TLCD4: variants seen among roughly 807,000 people sequenced by gnomAD.
The protein encoded by TLCD4 is TLC domain containing 4, also known as TLC domain-containing protein 4.
Under a neutral mutation model 24.2 loss-of-function variants are expected in TLCD4, and 7 were observed. The ratio of observed to expected loss-of-function variants is 0.29; its 90% confidence interval spans 0.16 to 0.54. The LOEUF (loss-of-function observed/expected upper bound fraction) is 0.54. Among genes scored for constraint, TLCD4 ranks in the 20% least tolerant of loss-of-function variants. TLCD4 has a pLI of 0.95. For synonymous variants in TLCD4, 103 were observed against 106.4 expected (o/e 0.97, Z 0.20); for missense variants, 259 against 313.9 (o/e 0.82, Z 1.32).
At chr1:95,155,162 A>C (rs1277780608) in intron 5 of TLCD4, among the ~76,000 whole-genome samples, 1 of 151,972 alleles carries the variant, frequency 6.6e-6, no homozygotes, top group African/African-American at 2.4e-5. Flanking sequence ...CCCACCTTAT[A>C]AACCTCTGGT....
Position 95,128,395 on chromosome 1 carries a change from T to A in TLCD4, c.-12+10778T>A, listed in dbSNP as rs181400946. On this transcript the variant is annotated intron_variant, in intron 1 of 6. Coordinates refer to ENST00000370203, the MANE Select transcript of TLCD4 (RefSeq NM_152487.3). Reference sequence around the variant, plus strand: ...AAAAAGTTGATGCAAAATAGATGAATTATGTCAGATTTAATTTATTTTTAA... The same window carrying A: ...AAAAAGTTGATGCAAAATAGATGAAATATGTCAGATTTAATTTATTTTTAA... 1.3e-3 allele frequency among the ~76,000 whole-genome samples: 200 copies of A among 152,306 alleles called. 1 individual carries two copies. The highest frequency in any genetic ancestry group is 2.3e-3 in the Admixed American group (35 of 15,300).
At position 95,192,015 on chromosome 1, in the gene TLCD4, G is replaced by T; in HGVS notation, c.*147G>T. On this transcript the variant is annotated 3_prime_UTR_variant, in exon 7 of 7. Coordinates refer to ENST00000370203, the MANE Select transcript of TLCD4 (RefSeq NM_152487.3). ...TTTTTTTAAACCTTAGAAAAGAGAA[G>T]GCCGGGCACGGTGGCTCATGCCTGT... The T allele has an allele frequency of 7.0e-7, 1 of 1,436,186 alleles. No homozygotes were observed. The highest frequency in any genetic ancestry group is 9.1e-7 in the Non-Finnish European group (1 of 1,103,368). 89.0% of individuals were successfully genotyped at this position (1,436,186 alleles called of 1,614,324 possible). A position where few individuals can be genotyped will look rare whatever the true frequency, so the allele number is the denominator to read the frequency against.
the TLCD4 span, among the ~76,000 whole-genome samples, chr1:95,100,124 A>G: frequency 9.3e-4 from 142 of 152,284 alleles, 1 homozygote; most frequent in Admixed American, 3.3e-3. Context: ...ATGTATATGC[A>G]TATATATACA....
chr1:95,111,121 C>T, the TLCD4 span, among the ~76,000 whole-genome samples: 2 of 126,690 alleles, frequency 1.6e-5, no homozygotes, highest in African/African-American at 5.4e-5. Flanking sequence ...GCAAGACTAT[C>T]TCCACATAAA....
intron 1 of TLCD4, among the ~76,000 whole-genome samples, chr1:95,128,431 A>G (rs112213366): frequency 3.3e-5 from 5 of 152,396 alleles, no homozygotes; most frequent in Non-Finnish European, 5.9e-5. Flanking sequence ...ATTAAAAGCT[A>G]GAACATGTAA....
chr1:95,146,377 T>C (rs1677349309), intron 2 of TLCD4, among the ~76,000 whole-genome samples: 1 of 152,206 alleles, frequency 6.6e-6, no homozygotes, highest in Non-Finnish European at 1.5e-5. Context: ...GAAATACTAC[T>C]AATTTTTAAA....
In TLCD4 at chr1:95,151,318, C is replaced by G. The variant is rs1677484626; in HGVS notation, c.305-7C>G. On this transcript the variant is annotated splice_region_variant and splice_polypyrimidine_tract_variant and intron_variant, in intron 4 of 6. Transcript: ENST00000370203. ...TGTAATACCTTACTCACTTTTCTTT[C>G]TTACAGATTTGTCCATTATAATTTT... is the stretch of plus-strand genomic sequence containing the variant. 6.2e-7 allele frequency: 1 copy of G among 1,612,406 alleles called. No individual in the cohort carries two copies. Among genetic ancestry groups the G allele is most frequent in the Non-Finnish European group, 8.5e-7 (1 of 1,179,010 alleles).
rs150409171 is a variant in TLCD4 at position 95,183,668 on chromosome 1, C to T, written c.474-7882C>T. 1.4e-3 allele frequency among the ~76,000 whole-genome samples: 210 copies of T among 152,000 alleles called. 5 individuals are homozygous for T. In the East Asian group the frequency reaches 0.02, roughly 14 times the overall value. ...CATTCTGGCCAACATGGTGAAACCC[C>T]GTCTCTACTAAAAGTACAAAAAAGA... On this transcript the variant is annotated intron_variant, in intron 6 of 6. Coordinates refer to ENST00000370203, the MANE Select transcript of TLCD4 (RefSeq NM_152487.3).
intron 1 of TLCD4, among the ~76,000 whole-genome samples, chr1:95,137,995 C>T (rs184790517): frequency 1.3e-5 from 2 of 152,190 alleles, no homozygotes; most frequent in Admixed American, 1.3e-4. Flanking sequence ...ACCTGGGCCT[C>T]CTAAAGTGCT....
At position 95,144,150 on chromosome 1, in the gene TLCD4, A is replaced by G. The variant is rs540966467; in HGVS notation, c.155+94A>G. 245 of 1,220,926 alleles carry G rather than the reference A, an allele frequency of 2.0e-4. No individual in the cohort carries two copies. In the African/African-American group the frequency reaches 3.6e-3, roughly 18 times the overall value. 75.6% of individuals were successfully genotyped at this position (1,220,926 alleles called of 1,614,324 possible). A position where few individuals can be genotyped will look rare whatever the true frequency, so the allele number is the denominator to read the frequency against. On this transcript the variant is annotated intron_variant, in intron 2 of 6. Transcript: ENST00000370203. ...CAAAAAAGTATTTCATTTAGGATCT[A>G]ATGTAAGGCCAAATTTTTATTTGAT...
rs957546954 is a variant in TLCD4, at chr1:95,195,234, A to G, written c.*3366A>G. 1 of 152,166 alleles carries G rather than the reference A, an allele frequency of 6.6e-6. No homozygotes were observed. Among genetic ancestry groups the G allele is most frequent in the Admixed American group, 6.6e-5 (1 of 15,260 alleles). The allele number at this position is 152,166 out of a possible 1,614,324, so 9.4% of individuals were successfully genotyped here. A position where few individuals can be genotyped will look rare whatever the true frequency, so the allele number is the denominator to read the frequency against. On this transcript the variant is annotated 3_prime_UTR_variant, in exon 7 of 7. Transcript: ENST00000370203. ...TGGTTCTTCACTGGTGTAGAGAGCCAGGTTTACTGTTGGTTGCACCATCTG... is the reference window on the plus strand; with the variant it reads ...TGGTTCTTCACTGGTGTAGAGAGCCGGGTTTACTGTTGGTTGCACCATCTG...
chr1:95,162,094 G>A (rs1677830303), intron 5 of TLCD4, among the ~76,000 whole-genome samples: 1 of 152,198 alleles, frequency 6.6e-6, no homozygotes, highest in Non-Finnish European at 1.5e-5. Context: ...AATGTTGACA[G>A]TGGGGTGTTA....
intron 5 of TLCD4, among the ~76,000 whole-genome samples, chr1:95,172,230 A>T (rs1678255471): frequency 6.6e-6 from 1 of 152,210 alleles, no homozygotes; most frequent in African/African-American, 2.4e-5. Flanking sequence ...TTGGTGAAGG[A>T]GATGTGTAAG....
intron 6 of TLCD4, chr1:95,174,110 C>T: frequency 1.6e-6 from 1 of 608,462 alleles, no homozygotes; most frequent in Non-Finnish European, 2.8e-6. Flanking sequence ...CTTTTAAATC[C>T]TGCTCTTTGC....
intron 6 of TLCD4, among the ~76,000 whole-genome samples, chr1:95,184,184 T>C (rs1457603865): frequency 6.6e-6 from 1 of 152,194 alleles, no homozygotes; most frequent in Non-Finnish European, 1.5e-5. Context: ...TCCAGTTTGT[T>C]ACTCACAACA....
chr1:95,094,455 G>A, the TLCD4 span, among the ~76,000 whole-genome samples: 3 of 152,136 alleles, frequency 2.0e-5, no homozygotes, highest in Non-Finnish European at 2.9e-5. Context: ...GAGTCTACAT[G>A]GAGAAAGATG....
the TLCD4 span, among the ~76,000 whole-genome samples, chr1:95,094,525 T>C: frequency 1.3e-5 from 2 of 152,150 alleles, no homozygotes; most frequent in Non-Finnish European, 2.9e-5. Flanking sequence ...ACCATAATTA[T>C]TGATAATTTT....
At chr1:95,113,611 T>C (rs924999832), upstream of TLCD4, among the ~76,000 whole-genome samples, 2 of 152,202 alleles carry the variant, frequency 1.3e-5, no homozygotes, top group Admixed American at 1.3e-4. Context: ...TTGATGTTTT[T>C]TGTTATAAGC....
At chr1:95,142,710 A>G (rs1451965829) in intron 1 of TLCD4, among the ~76,000 whole-genome samples, 3 of 152,018 alleles carry the variant, frequency 2.0e-5, no homozygotes, top group Admixed American at 2.0e-4. Flanking sequence ...CCAGCACTTT[A>G]GGAGGCTGAG....
Sources: gnomAD v4.1 joint callset for allele counts (sites outside exome capture counted in the v4.1 genomes callset) on GRCh38, gnomAD v4.1.1 for gene constraint, MANE v1.5 for transcripts, NCBI Gene and HGNC (gene_info 2026-07-23, HGNC 2026-07-21) for gene names.